The following PDLIM2 variants were observed in gnomAD, a reference collection of about 807,000 sequenced individuals.
PDLIM2 encodes PDZ and LIM domain 2.
Under a neutral mutation model 54.1 loss-of-function variants are expected in PDLIM2, and 51 were observed. The ratio of observed to expected loss-of-function variants is 0.94; its 90% CI spans 0.75 to 1.19. The LOEUF (loss-of-function observed/expected upper bound fraction) is 1.19. Among genes scored for constraint, PDLIM2 ranks in the 50% most tolerant of loss-of-function variants. The pLI is 0.00. For synonymous variants in PDLIM2, 398 were observed against 385.6 expected (o/e 1.03, Z -0.38); for missense variants, 912 against 874.0 (o/e 1.04, Z -0.55).
chr8:22,584,895 G>A lies in PDLIM2; in HGVS notation c.1065+5G>A, dbSNP rs369143751. The A allele has an allele frequency of 3.3e-5, 53 of 1,614,044 alleles. No individual in the cohort carries two copies. The African/African-American group carries it at 6.9e-4, about 21-fold the overall frequency. ...GTGCTGGCGACTCGCTTCCAGGTAA[G>A]CTGGTGCCCTCCCCTGACAGCCTCA... is the stretch of plus-strand genomic sequence containing the variant. On this transcript the variant is annotated splice_donor_5th_base_variant and intron_variant, in intron 4 of 9. Coordinates refer to ENST00000308354, the Ensembl canonical transcript of PDLIM2.
At chr8:22,594,486 T>A, downstream of PDLIM2, 9 of 1,613,058 alleles carry the variant, frequency 5.6e-6, no homozygotes, top group Non-Finnish European at 7.6e-6. Context: ...AGGTTGGGAG[T>A]CATGTCATTC....
intron 3 of PDLIM2, among the ~76,000 whole-genome samples, chr8:22,583,594 C>T (rs1039415693): frequency 6.6e-6 from 1 of 151,932 alleles, no homozygotes; most frequent in Non-Finnish European, 1.5e-5. Flanking sequence ...GGCGAAACCC[C>T]GTCTCTACTG....
At chr8:22,589,400 G>T in intron 7 of PDLIM2, 26 bp downstream of exon 6, 4 of 1,536,374 alleles carry the variant, frequency 2.6e-6, no homozygotes, top group Non-Finnish European at 2.6e-6. Flanking sequence ...GGAGGGTCGG[G>T]TTGGGGTCTT....
chr8:22,586,646 T>C (rs754185914), intron 6 of PDLIM2, among the ~76,000 whole-genome samples: 41 of 152,094 alleles, frequency 2.7e-4, no homozygotes, highest in Non-Finnish European at 4.6e-4. Flanking sequence ...AGGAATGAGC[T>C]TGTTTCAAGA....
At chr8:22,591,694 CT>C (rs1286132139) in intron 9 of PDLIM2, 26 bp downstream of exon 8, 11 of 1,584,056 alleles carry the variant, frequency 6.9e-6, no homozygotes, top group Non-Finnish European at 9.5e-6. Flanking sequence ...GGTGGGGGAC[CT>C]GAGCCTTCAC....
At chr8:22,583,855 A>G (rs1163671503) in intron 3 of PDLIM2, among the ~76,000 whole-genome samples, 6 of 26,672 alleles carry the variant, frequency 2.2e-4, no homozygotes, top group South Asian at 1.4e-3. Context: ...GGCAAAATAG[A>G]AAAAAAAAAA....
exon 1 of PDLIM2, chr8:22,579,514 T>G: frequency 1.3e-6 from 2 of 1,503,998 alleles, no homozygotes; most frequent in Non-Finnish European, 1.8e-6. Context: ...CGGAGTCCAC[T>G]GACCGGCTCA....
At chr8:22,591,530 G>A (rs758739608) in intron 8 of PDLIM2, 21 bp from the exon 8 acceptor site, 1 of 1,607,322 alleles carries the variant, frequency 6.2e-7, no homozygotes, top group Non-Finnish European at 8.5e-7. Context: ...CTCACCACAT[G>A]TCTGTCTGCC....
At chr8:22,585,508 G>A (rs559136422) in intron 6 of PDLIM2, 109 bp downstream of exon 5, 25 of 1,089,834 alleles carry the variant, frequency 2.3e-5, no homozygotes, top group Non-Finnish European at 2.7e-5. Flanking sequence ...GGGCAGCCAT[G>A]GCCTCCTTCT....
exon 10 of PDLIM2, chr8:22,594,085 A>C: frequency 7.0e-7 from 1 of 1,426,252 alleles, no homozygotes; most frequent in East Asian, 2.5e-5. Context: ...ACTGTGGGAG[A>C]CTCACCCTCA....
rs559200534 is a variant in PDLIM2 at position 22,580,292 on chromosome 8, G to A, written c.749-311G>A. The A allele has an allele frequency of 1.2e-5, 5 of 430,934 alleles. No homozygotes were observed. The East Asian group carries it at 2.7e-4, about 23-fold the overall frequency. 26.7% of individuals were successfully genotyped at this position (430,934 alleles called of 1,614,324 possible). A position where few individuals can be genotyped will look rare whatever the true frequency, so the allele number is the denominator to read the frequency against. On this transcript the variant is annotated intron_variant, in intron 1 of 9. Coordinates refer to ENST00000308354, the Ensembl canonical transcript of PDLIM2. ...GTGCTGGCATCCCCTCCACTTGCCAGCCCCTGCCCCCCATGCTCCAGCAAG... is the reference window on the plus strand; with the variant it reads ...GTGCTGGCATCCCCTCCACTTGCCAACCCCTGCCCCCCATGCTCCAGCAAG...
At chr8:22,597,687 G>C (rs1309486292), downstream of PDLIM2, 1 of 152,506 alleles carries the variant, frequency 6.6e-6, no homozygotes, top group African/African-American at 2.4e-5. Context: ...ACTTTGGAGG[G>C]AGTCTGGGCT....
At chr8:22,586,992 C>T (rs1800398413) in intron 6 of PDLIM2, among the ~76,000 whole-genome samples, 1 of 152,230 alleles carries the variant, frequency 6.6e-6, no homozygotes, top group South Asian at 2.1e-4. Context: ...CCCCCTTCCT[C>T]TCCCTGGGCC....
exon 8 of PDLIM2, chr8:22,589,701 C>T: frequency 6.4e-7 from 1 of 1,572,122 alleles, no homozygotes. Flanking sequence ...AGTCCAGCTC[C>T]TTTCGGCTCT....
chr8:22,585,254 G>A lies in PDLIM2; in HGVS notation c.1212-67G>A, dbSNP rs555688921. On this transcript the variant is annotated intron_variant, in intron 5 of 9. Transcript: ENST00000308354. ...TCTCAGGAGCTCTGCTTGGGAGCCC[G>A]GGGCAGCATCCTCCCTGGGCAGGCT... 6.0e-4 allele frequency: 963 copies of A among 1,600,174 alleles called. 8 individuals carry two copies. In the South Asian group the frequency reaches 0.01, roughly 17 times the overall value.
At chr8:22,590,112 A>C in intron 8 of PDLIM2, 1 of 223,506 alleles carries the variant, frequency 4.5e-6, no homozygotes, top group Non-Finnish European at 8.9e-6. Flanking sequence ...CTTAAACAGC[A>C]TTAAGAGGGT....
At chr8:22,597,116 C>G (rs1163863804), downstream of PDLIM2, 3 of 152,414 alleles carry the variant, frequency 2.0e-5, no homozygotes, top group East Asian at 5.8e-4. Context: ...TTGCAGGAAA[C>G]CCACTTCCTG....
In PDLIM2 at chr8:22,581,514, C is replaced by T. The variant is rs748585448; in HGVS notation, c.979C>T (p.Arg327Trp). 6.5e-5 allele frequency: 103 copies of T among 1,587,110 alleles called. No individual in the cohort carries two copies. Among genetic ancestry groups the T allele is most frequent in the Non-Finnish European group, 8.5e-5 (99 of 1,171,060 alleles). Residue 327 changes from arginine to tryptophan, a missense_variant, in exon 3 of 10, where the codon CGG (arginine) becomes TGG (tryptophan). Coordinates refer to ENST00000308354, the Ensembl canonical transcript of PDLIM2. Reference sequence around the variant, plus strand: ...GATCCGCCAGAGCCCCTCGCCCCTGCGGCTGCAGCTGGACCGGTAGGGCCT... The same window carrying T: ...GATCCGCCAGAGCCCCTCGCCCCTGTGGCTGCAGCTGGACCGGTAGGGCCT...
chr8:22,579,431 C>T (rs1179717183), exon 1 of PDLIM2: 4 of 1,516,278 alleles, frequency 2.6e-6, no homozygotes, highest in South Asian at 2.4e-5. Context: ...ACTTTGCCCT[C>T]GGAGCGAAGG....
Sources: gnomAD v4.1 joint callset for allele counts (sites outside exome capture counted in the v4.1 genomes callset) on GRCh38, gnomAD v4.1.1 for gene constraint, MANE v1.5 for transcripts, NCBI Gene and HGNC (gene_info 2026-07-23, HGNC 2026-07-21) for gene names.